MGAM2: variants seen among roughly 807,000 people sequenced by gnomAD.
MGAM2 encodes probable maltase-glucoamylase 2.
Under a neutral mutation model 96.1 loss-of-function variants are expected in MGAM2, and 98 were observed. That is an observed-to-expected ratio of 1.02 (90% CI 0.87 to 1.21). MGAM2 has a LOEUF of 1.21. Among genes scored for constraint, MGAM2 ranks in the 50% most tolerant of loss-of-function variants. The pLI, the probability that MGAM2 is intolerant of heterozygous loss-of-function variation, is 0.00. For missense variants in MGAM2, 2,055 were observed against 1,182.4 expected (o/e 1.74, Z -10.82); for synonymous variants, 749 against 414.8 (o/e 1.81, Z -9.79).
intron 37 of MGAM2, among the ~76,000 whole-genome samples, chr7:142,190,267 C>CT (rs58228482): frequency 0.018 from 1,829 of 104,180 alleles, 28 homozygotes; most frequent in East Asian, 0.047. Context: ...TACCATTTTA[C>CT]TTTTTTTTTT....
intron 46 of MGAM2, among the ~76,000 whole-genome samples, chr7:142,209,323 TCAAGC>T (rs1797506673): frequency 6.6e-6 from 1 of 152,142 alleles, no homozygotes; most frequent in Non-Finnish European, 1.5e-5. Flanking sequence ...AATCACATGG[TCAAGC>T]CCAGAGACAG....
chr7:142,132,584 C>A (rs1794925834), intron 6 of MGAM2, among the ~76,000 whole-genome samples: 2 of 125,780 alleles, frequency 1.6e-5, no homozygotes, highest in African/African-American at 6.3e-5. Context: ...ATAATTTAAT[C>A]AACTATATAA....
rs1317891983 is a variant in MGAM2 at position 142,131,588 on chromosome 7, C to T, written c.381C>T (p.Phe127=). Residue 127 remains phenylalanine (F), a synonymous_variant, in exon 5 of 48, where the codon TTC becomes TTT. Coordinates refer to ENST00000477922, the MANE Select transcript of MGAM2 (RefSeq NM_001293626.2). ...GAAATGATGTCGCCACCACCCTTTTCACAGCTGAATATCAGACATCCAATC... is the reference window on the plus strand; with the variant it reads ...GAAATGATGTCGCCACCACCCTTTTTACAGCTGAATATCAGACATCCAATC... ...LFGNDVATTL[F]TAEYQTSNRF... 1 of 703,152 alleles carries T rather than the reference C, an allele frequency of 1.4e-6. No individual in the cohort carries two copies. The highest frequency in any genetic ancestry group is 2.0e-5 in the Admixed American group (1 of 50,020). 43.6% of individuals were successfully genotyped at this position (703,152 alleles called of 1,614,324 possible).
In MGAM2 at chr7:142,196,728, G is replaced by C. The variant is rs772385651; in HGVS notation, c.4544G>C (p.Gly1515Ala). The C allele has an allele frequency of 1.3e-6, 1 of 790,212 alleles. No individual in the cohort carries two copies. Among genetic ancestry groups the C allele is most frequent in the South Asian group, 1.3e-5 (1 of 74,702 alleles). 49.0% of individuals were successfully genotyped at this position (790,212 alleles called of 1,614,324 possible). Residue 1515 changes from glycine (G) to alanine (A), a missense_variant, in exon 40 of 48, where the codon GGA becomes GCA. Physicochemically the swap from Gly to Ala is moderately conservative, Grantham distance 60. Coordinates refer to ENST00000477922, the MANE Select transcript of MGAM2 (RefSeq NM_001293626.2). ...YTGADICGFF[G>A]DAEYEMCVRW... ...GGAGCAGATATCTGTGGGTTCTTTGGAGATGCTGAATATGAGATGTGTGTT... is the reference window on the plus strand; with the variant it reads ...GGAGCAGATATCTGTGGGTTCTTTGCAGATGCTGAATATGAGATGTGTGTT...
intron 33 of MGAM2, among the ~76,000 whole-genome samples, chr7:142,183,691 G>A (rs1384477431): frequency 1.3e-5 from 2 of 152,128 alleles, no homozygotes; most frequent in East Asian, 1.9e-4. Context: ...ACACCTGCAT[G>A]CAAAACATGC....
Position 142,161,981 on chromosome 7 carries a change from C to T in MGAM2, c.2461C>T (p.Leu821=). The change falls in exon 23 of 48, where the codon CTA becomes TTA. Residue 821 remains leucine (L), a synonymous_variant. Coordinates refer to ENST00000477922, the MANE Select transcript of MGAM2 (RefSeq NM_001293626.2). ...TGCTGTGACTGAAAAGAAGTATATT[C>T]TATATGATTTCTCTGTTACCTCTGT... is the stretch of plus-strand genomic sequence containing the variant. ...KDAVTEKKYI[L]YDFSVTSNHL... 1 of 697,182 alleles carries T rather than the reference C, an allele frequency of 1.4e-6. No individual in the cohort carries two copies. 43.2% of individuals were successfully genotyped at this position (697,182 alleles called of 1,614,324 possible). A position where few individuals can be genotyped will look rare whatever the true frequency, so the allele number is the denominator to read the frequency against.
intron 6 of MGAM2, among the ~76,000 whole-genome samples, chr7:142,133,350 G>A (rs1172795654): frequency 1.3e-5 from 2 of 148,294 alleles, no homozygotes; most frequent in Non-Finnish European, 3.0e-5. Context: ...AAATATACTT[G>A]TGGTTTACAT....
Position 142,221,025 on chromosome 7 carries a change from A to G in MGAM2, c.6514A>G (p.Thr2172Ala), listed in dbSNP as rs1797910605. The G allele has an allele frequency of 5.7e-6, 4 of 702,502 alleles. No homozygotes were observed. Among genetic ancestry groups the G allele is most frequent in the Non-Finnish European group, 7.8e-6 (3 of 384,772 alleles). 43.5% of individuals were successfully genotyped at this position (702,502 alleles called of 1,614,324 possible). ...TATSHTSTDDTVPNNTVPVTA... is the reference protein window; with the variant it reads ...TATSHTSTDDAVPNNTVPVTA... ...TACCTCTCATACAAGTACTGATGAT[A>G]CTGTTCCTAATAATACTGTTCCAGT... The change falls in exon 48 of 48, where the codon ACT becomes GCT. Residue 2172 changes from threonine to alanine, a missense_variant. Transcript: ENST00000477922.
At chr7:142,196,325 G>A in intron 38 of MGAM2, 38 bp downstream of exon 38, 1 of 693,686 alleles carries the variant, frequency 1.4e-6, no homozygotes, top group Non-Finnish European at 2.6e-6. Flanking sequence ...TGCTGGCAGG[G>A]AGGGCACTGG....
rs114903382 is a variant in MGAM2, at chr7:142,154,495, G to A, written c.1807-234G>A. On this transcript the variant is annotated intron_variant, in intron 16 of 47. Transcript: ENST00000477922. ...ATAAGAAAGTATGAAATTGGGAACT[G>A]AATATTAAGGAACAGCCTCAACACA... Among the ~76,000 whole-genome samples the A allele has an allele frequency of 4.6e-3, 702 of 152,264 alleles. 5 individuals are homozygous for A. The highest frequency in any genetic ancestry group is 0.016 in the African/African-American group (678 of 41,538).
chr7:142,141,500 T>A (rs1795228370), intron 12 of MGAM2, among the ~76,000 whole-genome samples: 2 of 152,138 alleles, frequency 1.3e-5, no homozygotes, highest in South Asian at 4.1e-4. Context: ...TTTTTTAAGT[T>A]TTAATTTTTA....
At chr7:142,185,447 A>G (rs764689295) in intron 34 of MGAM2, among the ~76,000 whole-genome samples, 7 of 152,186 alleles carry the variant, frequency 4.6e-5, no homozygotes, top group Non-Finnish European at 1.0e-4. Context: ...TTCTCACTAG[A>G]GGGGAATCCA....
Position 142,222,143 on chromosome 7 carries a change from T to G in MGAM2, c.*84T>G, listed in dbSNP as rs1797950949. 1 of 396,678 alleles carries G rather than the reference T, an allele frequency of 2.5e-6. No homozygotes were observed. The highest frequency in any genetic ancestry group is 2.1e-5 in the African/African-American group (1 of 48,586). 24.6% of individuals were successfully genotyped at this position (396,678 alleles called of 1,614,324 possible). A position where few individuals can be genotyped will look rare whatever the true frequency, so the allele number is the denominator to read the frequency against. On this transcript the variant is annotated 3_prime_UTR_variant, in exon 48 of 48. Transcript: ENST00000477922. ...ATAGAAAATCAGTTACGAGACACTC[T>G]ATCTATCTTATGCTACTTAAGTTTT...
intron 3 of MGAM2, among the ~76,000 whole-genome samples, chr7:142,127,707 G>C (rs1427112193): frequency 6.6e-6 from 1 of 152,108 alleles, no homozygotes; most frequent in Admixed American, 6.5e-5. Context: ...CCCTGCACAA[G>C]CTCTCTTGCC....
chr7:142,151,365 A>G (rs1563262317), intron 15 of MGAM2, among the ~76,000 whole-genome samples: 1 of 152,214 alleles, frequency 6.6e-6, no homozygotes. Context: ...AGAAAATGTA[A>G]AAGTTTGTAT....
intron 36 of MGAM2, among the ~76,000 whole-genome samples, chr7:142,188,366 C>T (rs570999403): frequency 2.6e-5 from 4 of 152,076 alleles, no homozygotes; most frequent in East Asian, 1.9e-4. Context: ...TACTGTACCA[C>T]GGCTGAGGTG....
In MGAM2 at chr7:142,185,151, T is replaced by C. The variant is rs1033498035; in HGVS notation, c.3987+12T>C. 1.4e-6 allele frequency: 1 copy of C among 702,196 alleles called. No homozygotes were observed. Among genetic ancestry groups the C allele is most frequent in the African/African-American group, 1.7e-5 (1 of 57,232 alleles). 43.5% of individuals were successfully genotyped at this position (702,196 alleles called of 1,614,324 possible). ...AAACTCAGGTTAAGGTACAGTTGTATATAGATTTTTGTCAACATTGCCCTA... is the reference window on the plus strand; with the variant it reads ...AAACTCAGGTTAAGGTACAGTTGTACATAGATTTTTGTCAACATTGCCCTA... On this transcript the variant is annotated intron_variant, in intron 34 of 47. Transcript: ENST00000477922.
intron 14 of MGAM2, among the ~76,000 whole-genome samples, chr7:142,147,193 G>A (rs1323011696): frequency 2.6e-5 from 4 of 152,196 alleles, no homozygotes; most frequent in South Asian, 2.1e-4. Flanking sequence ...CTCTGAGCAT[G>A]TTTCTCAGTT....
At chr7:142,185,194 A>G (rs2129095823) in intron 34 of MGAM2, 55 bp downstream of exon 34, 2 of 691,024 alleles carry the variant, frequency 2.9e-6, no homozygotes. Context: ...GGATATTTAC[A>G]TTTTTTATCC....
Sources: allele counts gnomAD v4.1 joint callset (sites outside exome capture counted in the v4.1 genomes callset), GRCh38; gene constraint gnomAD v4.1.1; transcripts MANE v1.5; gene names NCBI Gene and HGNC (gene_info 2026-07-23, HGNC 2026-07-21).